The following GRIK4 variants were observed in gnomAD, a reference collection of about 807,000 sequenced individuals.
GRIK4 encodes glutamate ionotropic receptor kainate type subunit 4.
GRIK4 carries 40 observed loss-of-function variants against 104.9 expected under a neutral mutation model. That is an observed-to-expected ratio of 0.38 (90% CI 0.30 to 0.50). The LOEUF is 0.50. Ranked by LOEUF, GRIK4 falls within the 20% of genes least tolerant of loss-of-function variation. GRIK4 has a pLI of 0.93. For synonymous variants in GRIK4, 485 were observed against 524.9 expected, an observed-to-expected ratio of 0.92 and a Z score of 1.04; for missense variants, 1,047 against 1,308.1, an observed-to-expected ratio of 0.80 and a Z score of 3.08.
At chr11:120,735,355 T>G (rs920861481) in intron 3 of GRIK4, among the ~76,000 whole-genome samples, 1 of 152,166 alleles carries the variant, frequency 6.6e-6, no homozygotes, top group African/African-American at 2.4e-5. Context: ...AGGCAGAGAC[T>G]CTTGTTCTCT....
intron 3 of GRIK4, among the ~76,000 whole-genome samples, chr11:120,795,114 C>T (rs1351084806): frequency 1.3e-5 from 2 of 152,186 alleles, no homozygotes; most frequent in African/African-American, 2.4e-5. Context: ...GCCAAACGGC[C>T]ACAGACAGTG....
intron 1 of GRIK4, among the ~76,000 whole-genome samples, chr11:120,535,948 C>T (rs534906940): frequency 5.9e-5 from 9 of 152,334 alleles, no homozygotes; most frequent in Non-Finnish European, 8.8e-5. Flanking sequence ...TCACTGGTTC[C>T]TCCTGGCCAT....
intron 14 of GRIK4, among the ~76,000 whole-genome samples, chr11:120,950,375 C>T (rs1047621373): frequency 1.3e-5 from 2 of 152,212 alleles, no homozygotes; most frequent in Non-Finnish European, 2.9e-5. Context: ...CATTCCTTAT[C>T]ACCCATAACC....
Position 120,633,031 on chromosome 11 carries a change from C to T in GRIK4, c.-158-20654C>T, listed in dbSNP as rs558714487. 1.4e-4 allele frequency among the ~76,000 whole-genome samples: 21 copies of T among 152,152 alleles called. No individual in the cohort carries two copies. The South Asian group carries it at 4.4e-3, about 32-fold the overall frequency. On this transcript the variant is annotated intron_variant, in intron 1 of 20. Transcript: ENST00000527524. ...AAGGCACATGGTTCACCCAGGCACA[C>T]AAACAGATGATGGCACCTTGGTCAT... is the stretch of plus-strand genomic sequence containing the variant.
chr11:120,737,934 T>TA (rs1273560660), intron 3 of GRIK4, among the ~76,000 whole-genome samples: 3 of 152,008 alleles, frequency 2.0e-5, no homozygotes, highest in Non-Finnish European at 4.4e-5. Flanking sequence ...AATAAACAGG[T>TA]AAAAAAATCA....
rs566460923 is a variant in GRIK4, at chr11:120,786,243, T to A, written c.83-16450T>A. ...CCATGTCACCATCACAGCTGCATTC[T>A]TGAGTCATGGCAGCCCTTGATCCTC... On this transcript the variant is annotated intron_variant, in intron 3 of 20. Transcript: ENST00000527524. Among the ~76,000 whole-genome samples the A allele has an allele frequency of 5.3e-5, 8 of 152,346 alleles. No individual in the cohort carries two copies. In the South Asian group the frequency reaches 1.7e-3, roughly 32 times the overall value.
intron 1 of GRIK4, among the ~76,000 whole-genome samples, 159 bp downstream of exon 1, chr11:120,512,046 C>T (rs1217099361): frequency 1.4e-5 from 2 of 145,088 alleles, no homozygotes; most frequent in African/African-American, 5.0e-5. Context: ...GCCCCGGCCC[C>T]CGCCCCCGCG....
intron 3 of GRIK4, among the ~76,000 whole-genome samples, chr11:120,739,405 C>T (rs1340838995): frequency 6.6e-6 from 1 of 152,180 alleles, no homozygotes; most frequent in African/African-American, 2.4e-5. Context: ...ACTCAAGAGA[C>T]ATTCCCACAG....
At chr11:120,793,714 G>A (rs1284213982) in intron 3 of GRIK4, among the ~76,000 whole-genome samples, 5 of 151,950 alleles carry the variant, frequency 3.3e-5, no homozygotes, top group Admixed American at 2.0e-4. Flanking sequence ...GGTTACAGGT[G>A]AAGGGTGGTG....
At chr11:120,530,437 C>T (rs1000444201) in intron 1 of GRIK4, among the ~76,000 whole-genome samples, 3 of 151,972 alleles carry the variant, frequency 2.0e-5, no homozygotes, top group Non-Finnish European at 1.5e-5. Flanking sequence ...GCACTCTGGT[C>T]CAGTTTGGTG....
chr11:120,766,092 G>A (rs759848941), intron 3 of GRIK4, among the ~76,000 whole-genome samples: 74 of 152,234 alleles, frequency 4.9e-4, no homozygotes, highest in Admixed American at 1.3e-3. Flanking sequence ...AGGGAGATGG[G>A]AGTTTTATCT....
rs550548158 is a variant in GRIK4 at position 120,836,919 on chromosome 11, A to G, written c.744+75A>G. 2.0e-4 allele frequency: 199 copies of G among 992,098 alleles called. 5 individuals are homozygous for G. The East Asian group carries it at 4.7e-3, about 23-fold the overall frequency. 61.5% of individuals were successfully genotyped at this position (992,098 alleles called of 1,614,324 possible). A position where few individuals can be genotyped will look rare whatever the true frequency, so the allele number is the denominator to read the frequency against. On this transcript the variant is annotated intron_variant, in intron 8 of 20. Coordinates refer to ENST00000527524, the MANE Select transcript of GRIK4 (RefSeq NM_014619.5). ...TCAGGATTGATGGATTATAAGGGAAAAAGCCCAGGGGATGACGAGTACAGG... is the reference window on the plus strand; with the variant it reads ...TCAGGATTGATGGATTATAAGGGAAGAAGCCCAGGGGATGACGAGTACAGG...
At chr11:120,869,598 C>T (rs898693840) in intron 9 of GRIK4, 3 of 152,378 alleles carry the variant, frequency 2.0e-5, no homozygotes, top group African/African-American at 7.2e-5. Context: ...AAACCATGTC[C>T]CAGACGGAGT....
chr11:120,522,681 C>T (rs921968400), intron 1 of GRIK4, among the ~76,000 whole-genome samples: 1 of 152,170 alleles, frequency 6.6e-6, no homozygotes, highest in African/African-American at 2.4e-5. Flanking sequence ...GAATGTGAAG[C>T]TACCTAATGA....
chr11:120,969,190 A>G (rs939314222), intron 19 of GRIK4, among the ~76,000 whole-genome samples: 12 of 151,994 alleles, frequency 7.9e-5, no homozygotes, highest in Admixed American at 4.6e-4. Context: ...TTAGCAAACA[A>G]TTCTTGACAC....
intron 10 of GRIK4, among the ~76,000 whole-genome samples, chr11:120,874,459 G>A (rs553471711): frequency 1.4e-4 from 22 of 152,190 alleles, no homozygotes; most frequent in Non-Finnish European, 3.2e-4. Flanking sequence ...CAGCCCTCGA[G>A]CCTTACACTA....
intron 1 of GRIK4, among the ~76,000 whole-genome samples, chr11:120,642,491 T>TG (rs1949482355): frequency 6.6e-6 from 1 of 151,994 alleles, no homozygotes; most frequent in Admixed American, 6.5e-5. Context: ...TTTTTTTTTT[T>TG]TTTGTATCTG....
intron 7 of GRIK4, among the ~76,000 whole-genome samples, chr11:120,834,333 G>A (rs1203149735): frequency 2.6e-5 from 4 of 150,992 alleles, no homozygotes; most frequent in African/African-American, 9.7e-5. Flanking sequence ...TGCCTGTAGT[G>A]TAGTGATCAT....
intron 11 of GRIK4, among the ~76,000 whole-genome samples, chr11:120,875,567 C>T (rs147765326): frequency 1.3e-5 from 2 of 152,314 alleles, no homozygotes; most frequent in Non-Finnish European, 2.9e-5. Context: ...CCCATTTAGA[C>T]TCCAGGGAGC....
Sources: gnomAD v4.1 joint callset for allele counts (sites outside exome capture counted in the v4.1 genomes callset) on GRCh38, gnomAD v4.1.1 for gene constraint, MANE v1.5 for transcripts, NCBI Gene and HGNC (gene_info 2026-07-23, HGNC 2026-07-21) for gene names.